The following TMEM132D variants were observed in gnomAD, a reference collection of about 807,000 sequenced individuals.
The protein encoded by TMEM132D is mature OL transmembrane protein.
In TMEM132D, 21 loss-of-function variants were observed where a neutral mutation model predicts 62.3. The ratio of observed to expected loss-of-function variants is 0.34; its 90% CI spans 0.24 to 0.49. The LOEUF (loss-of-function observed/expected upper bound fraction) is 0.49. TMEM132D is among the 20% of genes least tolerant of loss of function. TMEM132D has a pLI of 0.99. For synonymous variants in TMEM132D, 621 were observed against 575.6 expected (o/e 1.08, Z -1.13); for missense variants, 1,346 against 1,402.8 (o/e 0.96, Z 0.65).
chr12:129,660,629 C>G (rs1880212190), intron 2 of TMEM132D, among the ~76,000 whole-genome samples: 1 of 152,046 alleles, frequency 6.6e-6, no homozygotes, highest in Non-Finnish European at 1.5e-5. Flanking sequence ...GCCATGAAGC[C>G]TGCATGTAAA....
intron 1 of TMEM132D, among the ~76,000 whole-genome samples, chr12:129,722,533 ACAC>A (rs1429578828): frequency 6.6e-6 from 1 of 152,134 alleles, no homozygotes; most frequent in Non-Finnish European, 1.5e-5. Context: ...GGGATTCTGG[ACAC>A]CAGGACACAG....
chr12:129,648,032 T>C (rs2137180725), intron 2 of TMEM132D, among the ~76,000 whole-genome samples: 1 of 152,304 alleles, frequency 6.6e-6, no homozygotes, highest in African/African-American at 2.4e-5. Flanking sequence ...CCCTCCCTGT[T>C]TGGAGACCAG....
At chr12:129,793,192 C>T (rs1871451213) in intron 1 of TMEM132D, among the ~76,000 whole-genome samples, 1 of 151,872 alleles carries the variant, frequency 6.6e-6, no homozygotes, top group African/African-American at 2.4e-5. Flanking sequence ...GGATTACAGG[C>T]ATGACCCAAC....
rs518106 is a variant in TMEM132D at position 129,645,920 on chromosome 12, C to T, written c.968+53890G>A. Reference sequence around the variant, plus strand: ...TATATGTTCTAAAAGGGGGTAGAACCCTCAGTTCCAGGAACTCCCCTCCCT... The same window carrying T: ...TATATGTTCTAAAAGGGGGTAGAACTCTCAGTTCCAGGAACTCCCCTCCCT... On this transcript the variant is annotated intron_variant, in intron 2 of 8. Transcript: ENST00000422113. 6.4e-3 allele frequency among the ~76,000 whole-genome samples: 970 copies of T among 152,200 alleles called. 10 individuals are homozygous for T. The highest frequency in any genetic ancestry group is 0.022 in the African/African-American group (919 of 41,528).
At chr12:129,497,851 G>A (rs1354147964) in intron 3 of TMEM132D, among the ~76,000 whole-genome samples, 1 of 152,006 alleles carries the variant, frequency 6.6e-6, no homozygotes, top group Non-Finnish European at 1.5e-5. Context: ...AGGAGAGATG[G>A]GGTTTCACCA....
chr12:129,250,081 G>T (rs1216681068), intron 4 of TMEM132D, among the ~76,000 whole-genome samples: 1 of 152,120 alleles, frequency 6.6e-6, no homozygotes, highest in Non-Finnish European at 1.5e-5. Context: ...CTGGGTGCCA[G>T]ATGCCCCAAA....
chr12:129,678,780 G>C (rs555207330), intron 2 of TMEM132D, among the ~76,000 whole-genome samples: 1 of 151,984 alleles, frequency 6.6e-6, no homozygotes, highest in South Asian at 2.1e-4. Flanking sequence ...ATGCCCAATT[G>C]ATACGACATC....
At chr12:129,368,176 T>C (rs1870483466) in intron 3 of TMEM132D, among the ~76,000 whole-genome samples, 1 of 152,152 alleles carries the variant, frequency 6.6e-6, no homozygotes, top group East Asian at 1.9e-4. Flanking sequence ...GTCTGGTGGC[T>C]CAAAGCTAAA....
chr12:129,723,042 G>A (rs906043195), intron 1 of TMEM132D, among the ~76,000 whole-genome samples: 3 of 151,998 alleles, frequency 2.0e-5, no homozygotes, highest in Non-Finnish European at 4.4e-5. Context: ...GTGCCCGGCC[G>A]ATCCTGGCTA....
chr12:129,397,119 G>T (rs1871453690), intron 3 of TMEM132D, among the ~76,000 whole-genome samples: 1 of 152,130 alleles, frequency 6.6e-6, no homozygotes. Context: ...CGACAATATT[G>T]TCCTGTTTTT....
chr12:129,480,580 A>G (rs1304342992), intron 3 of TMEM132D, among the ~76,000 whole-genome samples: 2 of 152,066 alleles, frequency 1.3e-5, no homozygotes, highest in African/African-American at 4.8e-5. Context: ...AGTAATAGGG[A>G]CGTTCTCTAG....
Position 129,162,007 on chromosome 12 carries a change from G to A in TMEM132D, c.1443+47513C>T, listed in dbSNP as rs114549806. Among the ~76,000 whole-genome samples the A allele has an allele frequency of 5.0e-3, 765 of 152,258 alleles. 7 individuals are homozygous for A. Among genetic ancestry groups the A allele is most frequent in the African/African-American group, 0.017 (689 of 41,568 alleles). On this transcript the variant is annotated intron_variant, in intron 5 of 8. Transcript: ENST00000422113. ...CTGACAATTTTGTTGGGAAACATGT[G>A]GTTCCTCCTTTTGCACAGTATGATG...
chr12:129,554,340 G>T (rs918849059), intron 2 of TMEM132D, among the ~76,000 whole-genome samples: 2 of 152,170 alleles, frequency 1.3e-5, no homozygotes, highest in Non-Finnish European at 2.9e-5. Context: ...ATGCCAGGTG[G>T]TGCTGGGTTT....
At chr12:129,835,765 C>A (rs1349782321) in intron 1 of TMEM132D, among the ~76,000 whole-genome samples, 1 of 152,174 alleles carries the variant, frequency 6.6e-6, no homozygotes, top group Non-Finnish European at 1.5e-5. Context: ...TTCCCCAATG[C>A]CTTGCAGGGA....
At chr12:129,437,804 T>C (rs1337185287) in intron 3 of TMEM132D, among the ~76,000 whole-genome samples, 2 of 151,778 alleles carry the variant, frequency 1.3e-5, no homozygotes, top group Non-Finnish European at 2.9e-5. Flanking sequence ...GTTTGTTACA[T>C]AGGTATACTT....
chr12:129,306,002 T>A (rs1164601267), intron 4 of TMEM132D, among the ~76,000 whole-genome samples: 2 of 152,190 alleles, frequency 1.3e-5, no homozygotes, highest in Non-Finnish European at 2.9e-5. Context: ...CCACTTCAAA[T>A]CTCAGAGCTC....
At chr12:129,812,842 A>C (rs1872227377) in intron 1 of TMEM132D, among the ~76,000 whole-genome samples, 1 of 151,060 alleles carries the variant, frequency 6.6e-6, no homozygotes, top group East Asian at 2.0e-4. Context: ...CCATTCTTTC[A>C]CTCTTAAAAC....
intron 1 of TMEM132D, among the ~76,000 whole-genome samples, chr12:129,728,899 A>G (rs1869126545): frequency 6.6e-6 from 1 of 152,168 alleles, no homozygotes; most frequent in African/African-American, 2.4e-5. Context: ...CCCACAGCAG[A>G]TATTACCAGC....
At chr12:129,397,810 A>G (rs1287727081) in intron 3 of TMEM132D, among the ~76,000 whole-genome samples, 3 of 152,222 alleles carry the variant, frequency 2.0e-5, no homozygotes, top group Non-Finnish European at 4.4e-5. Flanking sequence ...TCACACCTGC[A>G]CTGGCTGCAC....
Sources: gnomAD v4.1 joint callset for allele counts (sites outside exome capture counted in the v4.1 genomes callset) on GRCh38, gnomAD v4.1.1 for gene constraint, MANE v1.5 for transcripts, NCBI Gene and HGNC (gene_info 2026-07-23, HGNC 2026-07-21) for gene names.